PKD2L2: variants seen among roughly 807,000 people sequenced by gnomAD.
PKD2L2 encodes polycystin-2-like protein 2.
A neutral mutation model predicts 83.9 loss-of-function variants in PKD2L2; 67 were observed. That is an observed-to-expected ratio of 0.80 (90% CI 0.66 to 0.98). The LOEUF (loss-of-function observed/expected upper bound fraction) is 0.98. Among genes scored for constraint, PKD2L2 ranks in the 50% least tolerant of loss-of-function variants. The pLI is 0.00. For missense variants in PKD2L2, 632 were observed against 717.2 expected (o/e 0.88, Z 1.36); for synonymous variants, 223 against 237.8 (o/e 0.94, Z 0.57).
chr5:137,899,579 A>C lies in PKD2L2; in HGVS notation c.588A>C (p.Arg196=). Residue 196 remains arginine (R), a synonymous_variant, in exon 5 of 15, where the codon CGA becomes CGC. Coordinates refer to ENST00000508883, the MANE Select transcript of PKD2L2 (RefSeq NM_001300921.2). ...ACTGGGGATTTCTTGGTGTTTACCG[A>C]AATGGGGGATACATTTTCACTTTAT... ...PWHWGFLGVY[R]NGGYIFTLSK... is the part of the protein sequence containing the mutation. The C allele has an allele frequency of 1.2e-6, 2 of 1,613,986 alleles. No individual in the cohort carries two copies. Among genetic ancestry groups the C allele is most frequent in the Non-Finnish European group, 1.7e-6 (2 of 1,179,834 alleles).
intron 8 of PKD2L2, among the ~76,000 whole-genome samples, chr5:137,909,786 CG>C (rs1484562418): frequency 2.0e-5 from 3 of 151,926 alleles, no homozygotes; most frequent in African/African-American, 7.3e-5. Flanking sequence ...CCTCCTGCCT[CG>C]GCCTTTCAAA....
In PKD2L2 at chr5:137,935,830, A is replaced by T. The variant is rs768133842; in HGVS notation, c.1705A>T (p.Lys569Ter). ...IQNAEQMKKW[K>*]ERLEKKYYSM... ...AAACGCAGAGCAGATGAAAAAATGGAAAGAGAGGCTTGAGAAAAAGTATTA... is the reference window on the plus strand; with the variant it reads ...AAACGCAGAGCAGATGAAAAAATGGTAAGAGAGGCTTGAGAAAAAGTATTA... Residue 569 changes from lysine to a stop codon, truncating the protein, a stop_gained, in exon 13 of 15, where the codon AAA (lysine) becomes TAA (stop). Coordinates refer to ENST00000508883, the MANE Select transcript of PKD2L2 (RefSeq NM_001300921.2). LOFTEE classifies it high-confidence loss of function. 3.1e-6 allele frequency: 5 copies of T among 1,610,350 alleles called. No homozygotes were observed. Among genetic ancestry groups the T allele is most frequent in the Non-Finnish European group, 4.2e-6 (5 of 1,176,728 alleles).
At chr5:137,892,706 A>G in intron 3 of PKD2L2, 93 bp downstream of exon 3, 1 of 969,220 alleles carries the variant, frequency 1.0e-6, no homozygotes, top group Non-Finnish European at 1.5e-6. Flanking sequence ...TCTTTTGAAG[A>G]AATGAATAAA....
At chr5:137,892,887 C>A (rs1266583214) in intron 3 of PKD2L2, among the ~76,000 whole-genome samples, 1 of 152,154 alleles carries the variant, frequency 6.6e-6, no homozygotes, top group Admixed American at 6.5e-5. Flanking sequence ...GCGGGTGGAT[C>A]ACCTGAGGTC....
At chr5:137,904,262 C>T (rs1385102944) in intron 5 of PKD2L2, among the ~76,000 whole-genome samples, 1 of 152,108 alleles carries the variant, frequency 6.6e-6, no homozygotes, top group Non-Finnish European at 1.5e-5. Flanking sequence ...TAGAATCAAA[C>T]ACTTAGCAAA....
chr5:137,927,113 G>C (rs950224999), intron 12 of PKD2L2, among the ~76,000 whole-genome samples: 1 of 152,092 alleles, frequency 6.6e-6, no homozygotes, highest in East Asian at 1.9e-4. Context: ...TTGAATAAAA[G>C]GATTCCATGA....
intron 10 of PKD2L2, among the ~76,000 whole-genome samples, chr5:137,924,823 G>A (rs1759238720): frequency 6.6e-6 from 1 of 152,176 alleles, no homozygotes; most frequent in Admixed American, 6.5e-5. Context: ...CCAGAGTAAT[G>A]CCCCCAACAG....
intron 8 of PKD2L2, among the ~76,000 whole-genome samples, chr5:137,913,683 G>A (rs1006394004): frequency 6.6e-6 from 1 of 151,662 alleles, no homozygotes; most frequent in African/African-American, 2.4e-5. Context: ...TAGAGTTGGG[G>A]TTTTGGCCAT....
chr5:137,910,501 G>A lies in PKD2L2; in HGVS notation c.1328+1555G>A, dbSNP rs115263543. ...TTTAAAAGCTGGATGGGCCGGGTGCGATGGTTCGCGCCTGTAATGCCAGCA... is the reference window on the plus strand; with the variant it reads ...TTTAAAAGCTGGATGGGCCGGGTGCAATGGTTCGCGCCTGTAATGCCAGCA... On this transcript the variant is annotated intron_variant, in intron 8 of 14. Coordinates refer to ENST00000508883, the MANE Select transcript of PKD2L2 (RefSeq NM_001300921.2). Among the ~76,000 whole-genome samples, 793 of 152,004 alleles carry A rather than the reference G, an allele frequency of 5.2e-3. 10 individuals carry two copies. Among genetic ancestry groups the A allele is most frequent in the African/African-American group, 0.018 (763 of 41,490 alleles).
In PKD2L2 at chr5:137,909,242, T is replaced by C. The variant is rs188232477; in HGVS notation, c.1328+296T>C. Among the ~76,000 whole-genome samples the C allele has an allele frequency of 5.3e-5, 8 of 152,106 alleles. No individual in the cohort carries two copies. In the East Asian group the frequency reaches 1.5e-3, roughly 29 times the overall value. Reference sequence around the variant, plus strand: ...TTTGGTCTCACCATGTTGGCCAGGGTGGTTTTAAACTTCTGGGTTCAAGTG... The same window carrying C: ...TTTGGTCTCACCATGTTGGCCAGGGCGGTTTTAAACTTCTGGGTTCAAGTG... On this transcript the variant is annotated intron_variant, in intron 8 of 14. Coordinates refer to ENST00000508883, the MANE Select transcript of PKD2L2 (RefSeq NM_001300921.2).
At chr5:137,937,538 A>T (rs1429589577) in intron 14 of PKD2L2, among the ~76,000 whole-genome samples, 2 of 152,168 alleles carry the variant, frequency 1.3e-5, no homozygotes, top group African/African-American at 4.8e-5. Context: ...ATGTTCTCTT[A>T]GCCCAAGCAA....
intron 6 of PKD2L2, among the ~76,000 whole-genome samples, chr5:137,906,933 T>C (rs182674661): frequency 6.6e-6 from 1 of 152,114 alleles, no homozygotes; most frequent in Admixed American, 6.5e-5. Flanking sequence ...TTTGGGGAAA[T>C]AGTCCCTGAA....
intron 12 of PKD2L2, among the ~76,000 whole-genome samples, chr5:137,931,520 G>A (rs192856885): frequency 2.7e-4 from 41 of 152,198 alleles, no homozygotes; most frequent in African/African-American, 8.7e-4. Context: ...TGAAAAGATG[G>A]TTCAAAATTG....
intron 2 of PKD2L2, 62 bp downstream of exon 2, chr5:137,890,644 A>C: frequency 1.4e-6 from 1 of 711,486 alleles, no homozygotes. Context: ...GTGGAGATGA[A>C]AAATAAAACA....
chr5:137,890,618 A>G (rs755442100), intron 2 of PKD2L2, 36 bp downstream of exon 2: 1 of 887,232 alleles, frequency 1.1e-6, no homozygotes, highest in Admixed American at 2.8e-5. Context: ...GTTTGTTTGA[A>G]CTAAGAAGTT....
intron 14 of PKD2L2, chr5:137,939,742 A>C: frequency 1.8e-6 from 1 of 541,638 alleles, no homozygotes; most frequent in Non-Finnish European, 2.4e-6. Context: ...CTAGGAAAAC[A>C]GAGAACACAG....
At chr5:137,932,145 G>C (rs1366104452) in intron 12 of PKD2L2, among the ~76,000 whole-genome samples, 6 of 152,018 alleles carry the variant, frequency 3.9e-5, no homozygotes, top group Admixed American at 1.3e-4. Flanking sequence ...GATCACTTGA[G>C]GTCAGGAGTT....
intron 12 of PKD2L2, among the ~76,000 whole-genome samples, chr5:137,933,134 G>A (rs190011296): frequency 1.3e-5 from 2 of 151,270 alleles, no homozygotes; most frequent in East Asian, 3.9e-4. Flanking sequence ...GGTATTAACA[G>A]TTTAGGGAAT....
intron 4 of PKD2L2, among the ~76,000 whole-genome samples, chr5:137,894,955 A>G (rs1402156619): frequency 6.6e-6 from 1 of 152,158 alleles, no homozygotes; most frequent in Non-Finnish European, 1.5e-5. Context: ...CCCCAAGACA[A>G]TCTGGGATCC....
Sources: allele counts gnomAD v4.1 joint callset (sites outside exome capture counted in the v4.1 genomes callset), GRCh38; gene constraint gnomAD v4.1.1; transcripts MANE v1.5; gene names NCBI Gene and HGNC (gene_info 2026-07-23, HGNC 2026-07-21).